The following CFAP77 variants were observed in gnomAD, a reference collection of about 807,000 sequenced individuals.
CFAP77 encodes the protein cilia- and flagella-associated protein 77.
A neutral mutation model predicts 31.1 loss-of-function variants in CFAP77; 25 were observed. The ratio of observed to expected loss-of-function variants is 0.80; its 90% CI spans 0.59 to 1.12. CFAP77 has a LOEUF of 1.12. Among genes scored for constraint, CFAP77 ranks in the 50% most tolerant of loss-of-function variants. The pLI is 0.00. For synonymous variants in CFAP77, 151 were observed against 159.9 expected (o/e 0.94, Z 0.42); for missense variants, 377 against 397.3 (o/e 0.95, Z 0.44).
chr9:132,438,590 G>T (rs1008571148), intron 1 of CFAP77, among the ~76,000 whole-genome samples: 1 of 142,016 alleles, frequency 7.0e-6, no homozygotes, highest in African/African-American at 2.6e-5. Context: ...AGGCTGGAAT[G>T]TGGTGTCACA....
At chr9:132,422,723 C>T (rs1474962999) in intron 1 of CFAP77, among the ~76,000 whole-genome samples, 1 of 152,138 alleles carries the variant, frequency 6.6e-6, no homozygotes, top group African/African-American at 2.4e-5. Context: ...AGGGGGAATA[C>T]ACAAAGGGCT....
At chr9:132,435,981 C>T (rs1850498270) in intron 1 of CFAP77, among the ~76,000 whole-genome samples, 1 of 152,136 alleles carries the variant, frequency 6.6e-6, no homozygotes, top group African/African-American at 2.4e-5. Flanking sequence ...AGTGAGTGAA[C>T]TGAGATCGGC....
chr9:132,439,612 C>A (rs529681463), intron 1 of CFAP77, among the ~76,000 whole-genome samples: 4 of 152,048 alleles, frequency 2.6e-5, no homozygotes, highest in East Asian at 3.9e-4. Flanking sequence ...TTTGGGAGGC[C>A]AAGGCGGGCA....
chr9:132,410,219 T>A lies in CFAP77; in HGVS notation c.-53T>A. 1 of 1,353,064 alleles carries A rather than the reference T, an allele frequency of 7.4e-7. No homozygotes were observed. The highest frequency in any genetic ancestry group is 9.8e-7 in the Non-Finnish European group (1 of 1,021,102). The allele number at this position is 1,353,064 out of a possible 1,614,324, so 83.8% of individuals were successfully genotyped here. Reference sequence around the variant, plus strand: ...TCGGAGCTCCAGGCTGTGCCCGACGTGGGGAAGCGCGCCCAAACCAGCCCG... The same window carrying A: ...TCGGAGCTCCAGGCTGTGCCCGACGAGGGGAAGCGCGCCCAAACCAGCCCG... On this transcript the variant is annotated 5_prime_UTR_variant, in exon 1 of 6. Coordinates refer to ENST00000393216, the MANE Select transcript of CFAP77 (RefSeq NM_001282957.2).
rs564522349 is a variant in CFAP77, at chr9:132,497,828, G to A, written c.196-867G>A. Among the ~76,000 whole-genome samples the A allele has an allele frequency of 3.4e-4, 52 of 152,286 alleles. No homozygotes were observed. Among genetic ancestry groups the A allele is most frequent in the African/African-American group, 1.0e-3 (43 of 41,562 alleles). ...GCAAGTGCCCACTGATGCAGCGGGT[G>A]CGATGGGGTTCGAAGCACTGTGCAG... On this transcript the variant is annotated intron_variant, in intron 1 of 5. Coordinates refer to ENST00000393216, the MANE Select transcript of CFAP77 (RefSeq NM_001282957.2). This position sits in a 1 kb window ranked among gnomAD's most constrained non-coding sequence, Gnocchi z 4.9.
chr9:132,570,689 T>C (rs1829946832), intron 5 of CFAP77, among the ~76,000 whole-genome samples: 1 of 152,244 alleles, frequency 6.6e-6, no homozygotes, highest in Admixed American at 6.5e-5. Context: ...TGGTTATTCC[T>C]GGAAGAACGG....
chr9:132,504,123 G>A (rs976308758), intron 3 of CFAP77, among the ~76,000 whole-genome samples: 8 of 152,220 alleles, frequency 5.3e-5, no homozygotes, highest in African/African-American at 1.9e-4. Context: ...GGAGAAAATA[G>A]AAAGAAGTTA....
At chr9:132,423,257 G>A (rs993823509) in intron 1 of CFAP77, among the ~76,000 whole-genome samples, 3 of 152,188 alleles carry the variant, frequency 2.0e-5, no homozygotes, top group Non-Finnish European at 4.4e-5. Flanking sequence ...TGCTTCTTGG[G>A]GAGATCTTCC....
At chr9:132,465,841 C>CAGG (rs1490585146) in intron 1 of CFAP77, among the ~76,000 whole-genome samples, 3 of 152,146 alleles carry the variant, frequency 2.0e-5, no homozygotes, top group Non-Finnish European at 4.4e-5. Flanking sequence ...TAGAAACAAA[C>CAGG]AGGATGAGCT....
At chr9:132,427,188 C>T (rs535623348) in intron 1 of CFAP77, among the ~76,000 whole-genome samples, 2 of 152,310 alleles carry the variant, frequency 1.3e-5, no homozygotes, top group South Asian at 2.1e-4. Context: ...CGAGAAGCCC[C>T]GATTCTTCTC....
rs1036648452 is a variant in CFAP77, at chr9:132,455,995, C to T, written c.196-42700C>T. 6.6e-6 allele frequency among the ~76,000 whole-genome samples: 1 copy of T among 152,194 alleles called. No individual in the cohort carries two copies. The highest frequency in any genetic ancestry group is 1.5e-5 in the Non-Finnish European group (1 of 68,032). On this transcript the variant is annotated intron_variant, in intron 1 of 5. Coordinates refer to ENST00000393216, the MANE Select transcript of CFAP77 (RefSeq NM_001282957.2). This position sits in a 1 kb window ranked among gnomAD's most constrained non-coding sequence, Gnocchi z 4.1. ...CCCTTCTCTAAAATGAGGACAATTACACATTCCTGGTGGCACTGCCGTGGC... is the reference window on the plus strand; with the variant it reads ...CCCTTCTCTAAAATGAGGACAATTATACATTCCTGGTGGCACTGCCGTGGC...
chr9:132,554,926 A>ATGCG lies in CFAP77; in HGVS notation c.732+11880_732+11881insGCGT, dbSNP rs1225103736. ...CATCCATCTATGCATGCATGCATGC[A>ATGCG]TCCATCCATCCACCCATCCATCCAT... On this transcript the variant is annotated intron_variant, in intron 5 of 5. Coordinates refer to ENST00000393216, the MANE Select transcript of CFAP77 (RefSeq NM_001282957.2). This position sits in a 1 kb window ranked among gnomAD's most constrained non-coding sequence, Gnocchi z 4.1. Among the ~76,000 whole-genome samples the ATGCG allele has an allele frequency of 1.5e-5, 2 of 137,910 alleles. No homozygotes were observed. Among genetic ancestry groups the ATGCG allele is most frequent in the African/African-American group, 3.1e-5 (1 of 32,624 alleles). 90.5% of individuals were successfully genotyped at this position (137,910 alleles called of 152,430 possible). A position where few individuals can be genotyped will look rare whatever the true frequency, so the allele number is the denominator to read the frequency against.
At chr9:132,524,317 G>A (rs1182267884) in intron 3 of CFAP77, among the ~76,000 whole-genome samples, 1 of 151,758 alleles carries the variant, frequency 6.6e-6, no homozygotes, top group Non-Finnish European at 1.5e-5. Flanking sequence ...AAAAGTACCC[G>A]GGGTCAGGCA....
intron 5 of CFAP77, among the ~76,000 whole-genome samples, chr9:132,551,139 A>C (rs1271450978): frequency 6.6e-6 from 1 of 152,084 alleles, no homozygotes; most frequent in Non-Finnish European, 1.5e-5. Context: ...AAGAAAAAAA[A>C]ATGTGGGCAG....
chr9:132,568,786 A>G (rs1829920290), intron 5 of CFAP77, among the ~76,000 whole-genome samples: 1 of 151,916 alleles, frequency 6.6e-6, no homozygotes, highest in Non-Finnish European at 1.5e-5. Flanking sequence ...TGCAGCCTCA[A>G]CCTCCCAGGC....
At chr9:132,502,779 G>T (rs932387173) in intron 3 of CFAP77, among the ~76,000 whole-genome samples, 1 of 152,242 alleles carries the variant, frequency 6.6e-6, no homozygotes, top group Non-Finnish European at 1.5e-5. Context: ...ACGGACACGT[G>T]TCTGTTCCAG....
chr9:132,444,093 C>A (rs1277997724), intron 1 of CFAP77, among the ~76,000 whole-genome samples: 1 of 152,252 alleles, frequency 6.6e-6, no homozygotes, highest in Admixed American at 6.5e-5. Context: ...GAAGGCTCCA[C>A]CTCGTCCTTC....
intron 1 of CFAP77, among the ~76,000 whole-genome samples, chr9:132,489,766 C>T (rs73556738): frequency 0.066 from 10,083 of 152,168 alleles, 432 homozygotes; most frequent in African/African-American, 0.11. Context: ...CTAGGATACC[C>T]CTTTTGTCTC....
chr9:132,535,326 A>G (rs1016777897), intron 3 of CFAP77, among the ~76,000 whole-genome samples: 1 of 152,242 alleles, frequency 6.6e-6, no homozygotes, highest in Non-Finnish European at 1.5e-5. Context: ...CAACATTATT[A>G]TTAGCAACAA....
Sources: gnomAD v4.1 joint callset for allele counts (sites outside exome capture counted in the v4.1 genomes callset) on GRCh38, gnomAD v4.1.1 for gene constraint, Gnocchi (gnomAD v3.1) non-coding constraint, MANE v1.5 for transcripts, NCBI Gene and HGNC (gene_info 2026-07-23, HGNC 2026-07-21) for gene names.